IL16: variants seen among roughly 807,000 people sequenced by gnomAD.
The protein encoded by IL16 is interleukin 16.
Under a neutral mutation model 110.1 loss-of-function variants are expected in IL16, and 67 were observed. The observed-to-expected ratio is 0.61, with a 90% confidence interval of 0.50 to 0.75. IL16 has a LOEUF of 0.75. IL16 is among the 30% of genes least tolerant of loss of function. The probability of loss-of-function intolerance (pLI) is 0.00; values close to 1 mark genes in which losing one functional copy is unlikely to be tolerated. For missense variants in IL16, 1,545 were observed against 1,655.0 expected (o/e 0.93, Z 1.15); for synonymous variants, 689 against 662.9 (o/e 1.04, Z -0.61).
At chr15:81,305,626 T>C in intron 16 of IL16, 2 of 393,118 alleles carry the variant, frequency 5.1e-6, no homozygotes, top group Non-Finnish European at 9.1e-6. Flanking sequence ...AAAGATTTTA[T>C]ATGGAATCCC....
chr15:81,206,866 A>AATG (rs5814044), intron 1 of IL16, among the ~76,000 whole-genome samples: 16,214 of 150,908 alleles, frequency 0.11, 2,820 homozygotes, highest in African/African-American at 0.37. Context: ...GGCTTTAAAT[A>AATG]ATGATGATGA....
chr15:81,192,006 G>A (rs758513584), upstream of IL16, among the ~76,000 whole-genome samples: 12 of 152,120 alleles, frequency 7.9e-5, no homozygotes, highest in East Asian at 1.9e-4. Flanking sequence ...CATTTTTGGG[G>A]CAGTAAATAT....
chr15:81,291,448 GA>G (rs560974393), intron 11 of IL16, among the ~76,000 whole-genome samples: 3,027 of 145,272 alleles, frequency 0.021, 81 homozygotes, highest in African/African-American at 0.064. Flanking sequence ...TCATGATCAG[GA>G]AAAAAAAAAA....
chr15:81,241,173 A>G (rs1313988767), intron 2 of IL16, among the ~76,000 whole-genome samples: 2 of 152,104 alleles, frequency 1.3e-5, no homozygotes, highest in African/African-American at 4.8e-5. Flanking sequence ...TAAGATTTGT[A>G]TGCCAATAAG....
In IL16 at chr15:81,279,572, G is replaced by T. The variant is rs1483230656; in HGVS notation, c.879G>T (p.Gly293=). 9.3e-6 allele frequency: 15 copies of T among 1,612,194 alleles called. No individual in the cohort carries two copies. Among genetic ancestry groups the T allele is most frequent in the African/African-American group, 1.3e-5 (1 of 74,922 alleles). The change falls in exon 8 of 19, where the codon GGG becomes GGT. Residue 293 remains glycine (G), a synonymous_variant. Coordinates refer to ENST00000683961, the MANE Select transcript of IL16 (RefSeq NM_172217.5). ...ALQKFKQAKK[G]LLTLTVRTRL... is the part of the protein sequence containing the mutation. ...CTTTCTTTCAGCAAGCCAAAAAGGGGCTCCTCACCCTCACCGTGAGAACCC... is the reference window on the plus strand; with the variant it reads ...CTTTCTTTCAGCAAGCCAAAAAGGGTCTCCTCACCCTCACCGTGAGAACCC...
chr15:81,216,459 C>T (rs1227858273), intron 1 of IL16, among the ~76,000 whole-genome samples: 1 of 152,154 alleles, frequency 6.6e-6, no homozygotes, highest in Admixed American at 6.5e-5. Context: ...TTCAGCATCA[C>T]TTCTACCCAC....
At chr15:81,210,210 G>A (rs898730359) in intron 1 of IL16, among the ~76,000 whole-genome samples, 3 of 152,186 alleles carry the variant, frequency 2.0e-5, no homozygotes, top group South Asian at 2.1e-4. Context: ...TTTGTATTTC[G>A]TTTCATTGGT....
chr15:81,242,896 G>T (rs1567014586), intron 2 of IL16, among the ~76,000 whole-genome samples: 1 of 151,576 alleles, frequency 6.6e-6, no homozygotes, highest in Non-Finnish European at 1.5e-5. Flanking sequence ...TCTAGTCCTA[G>T]TGTACTGACA....
intron 16 of IL16, 127 bp from the exon 17 acceptor site, chr15:81,305,781 C>T: frequency 1.7e-6 from 2 of 1,188,368 alleles, no homozygotes; most frequent in East Asian, 2.3e-5. Flanking sequence ...ATCTAGGACA[C>T]AATTATCTTT....
At chr15:81,289,701 T>C (rs866352766) in intron 10 of IL16, among the ~76,000 whole-genome samples, 12 of 152,258 alleles carry the variant, frequency 7.9e-5, no homozygotes, top group African/African-American at 1.9e-4. Context: ...ATCTGAAATA[T>C]GATTTGCGAA....
At chr15:81,205,723 C>G (rs1007605912) in intron 1 of IL16, among the ~76,000 whole-genome samples, 3 of 152,000 alleles carry the variant, frequency 2.0e-5, no homozygotes, top group African/African-American at 7.2e-5. Context: ...CAAAAAAAGC[C>G]TAAAGAAACA....
chr15:81,227,112 A>G (rs1248156026), intron 2 of IL16, among the ~76,000 whole-genome samples: 1 of 152,112 alleles, frequency 6.6e-6, no homozygotes, highest in African/African-American at 2.4e-5. Context: ...GGGAGGCTCA[A>G]AGGAAAAAGG....
intron 9 of IL16, among the ~76,000 whole-genome samples, chr15:81,284,657 G>A (rs977224254): frequency 6.6e-6 from 1 of 152,226 alleles, no homozygotes; most frequent in South Asian, 2.1e-4. Flanking sequence ...CACAGCAGGG[G>A]ACACAGGGAA....
intron 2 of IL16, among the ~76,000 whole-genome samples, chr15:81,236,637 G>C (rs1325178420): frequency 6.6e-6 from 1 of 152,280 alleles, no homozygotes; most frequent in East Asian, 1.9e-4. Context: ...CATTTGGTTA[G>C]TGAAGAGGTG....
At chr15:81,252,691 T>C (rs938214072) in intron 2 of IL16, among the ~76,000 whole-genome samples, 2 of 152,208 alleles carry the variant, frequency 1.3e-5, no homozygotes, top group African/African-American at 4.8e-5. Context: ...TTTCTATCTA[T>C]AGATTTGCTT....
intron 3 of IL16, among the ~76,000 whole-genome samples, chr15:81,261,638 A>G (rs79639080): frequency 0.024 from 3,630 of 152,216 alleles, 153 homozygotes; most frequent in African/African-American, 0.083. Flanking sequence ...TGGTACCTCA[A>G]TAGGCCTCGT....
intron 2 of IL16, among the ~76,000 whole-genome samples, chr15:81,251,197 C>G (rs991886713): frequency 1.3e-5 from 2 of 152,164 alleles, no homozygotes; most frequent in African/African-American, 4.8e-5. Flanking sequence ...GACAGGGTCT[C>G]TCTCTGTTGA....
intron 1 of IL16, among the ~76,000 whole-genome samples, chr15:81,207,246 C>CAAAAAAAAAAAAAAA (rs60442931): frequency 9.7e-6 from 1 of 102,750 alleles, no homozygotes; most frequent in African/African-American, 2.9e-5. Context: ...TCAAAAAAAA[C>CAAAAAAAAAAAAAAA]AAAAAAAAAA....
chr15:81,242,224 C>T (rs919376659), intron 2 of IL16, among the ~76,000 whole-genome samples: 1 of 152,110 alleles, frequency 6.6e-6, no homozygotes, highest in South Asian at 2.1e-4. Flanking sequence ...AATGTAATCC[C>T]TTTGCATTTA....
Sources: allele counts gnomAD v4.1 joint callset (sites outside exome capture counted in the v4.1 genomes callset), GRCh38; gene constraint gnomAD v4.1.1; transcripts MANE v1.5; gene names NCBI Gene and HGNC (gene_info 2026-07-23, HGNC 2026-07-21).